Variants in UNC13C observed in about 807,000 individuals in gnomAD.
UNC13C encodes protein unc-13 homolog C.
A neutral mutation model predicts 245.4 loss-of-function variants in UNC13C; 174 were observed. That is an observed-to-expected ratio of 0.71 (90% CI 0.63 to 0.80). The LOEUF is 0.80. Ranked by LOEUF, UNC13C falls within the 30% of genes least tolerant of loss-of-function variation. UNC13C has a pLI of 0.00. For synonymous variants in UNC13C, 992 were observed against 895.1 expected (o/e 1.11, Z -1.93); for missense variants, 2,829 against 2,602.9 (o/e 1.09, Z -1.89).
chr15:54,363,091 G>A (rs1190543721), intron 17 of UNC13C, among the ~76,000 whole-genome samples: 1 of 152,184 alleles, frequency 6.6e-6, no homozygotes, highest in Non-Finnish European at 1.5e-5. Flanking sequence ...ACAGTGCTGA[G>A]CTAATCACAA....
At chr15:54,124,218 G>A (rs571771817) in intron 2 of UNC13C, among the ~76,000 whole-genome samples, 1 of 152,278 alleles carries the variant, frequency 6.6e-6, no homozygotes, top group South Asian at 2.1e-4. Flanking sequence ...GCCTAAATGT[G>A]TAATGGCTTG....
intron 26 of UNC13C, among the ~76,000 whole-genome samples, chr15:54,545,051 T>C (rs1896423482): frequency 6.6e-6 from 1 of 152,102 alleles, no homozygotes; most frequent in African/African-American, 2.4e-5. Flanking sequence ...CAAACTAAAC[T>C]GCAAGGCTAC....
At chr15:53,889,606 AG>A in the UNC13C span, among the ~76,000 whole-genome samples, 2 of 152,194 alleles carry the variant, frequency 1.3e-5, no homozygotes, top group Admixed American at 1.3e-4. Context: ...AGGAGTGGTG[AG>A]AGAGGGCATC....
At chr15:54,235,775 C>T (rs907769217) in intron 5 of UNC13C, among the ~76,000 whole-genome samples, 13 of 152,028 alleles carry the variant, frequency 8.6e-5, no homozygotes, top group African/African-American at 2.2e-4. Context: ...GGCGTGAACC[C>T]GGGAGGCGGA....
intron 2 of UNC13C, among the ~76,000 whole-genome samples, chr15:54,116,859 A>G (rs752478901): frequency 3.9e-5 from 6 of 152,166 alleles, no homozygotes; most frequent in Admixed American, 6.5e-5. Context: ...ATAGTTTTCC[A>G]TAGTGGCTGT....
intron 10 of UNC13C, among the ~76,000 whole-genome samples, chr15:54,288,157 A>G (rs1015159251): frequency 6.6e-6 from 1 of 152,206 alleles, no homozygotes; most frequent in Non-Finnish European, 1.5e-5. Flanking sequence ...TGTAGCAACC[A>G]TAGAGTCCTG....
At chr15:54,449,462 CTTTG>C (rs1268196480) in intron 19 of UNC13C, among the ~76,000 whole-genome samples, 6 of 152,272 alleles carry the variant, frequency 3.9e-5, no homozygotes, top group South Asian at 4.1e-4. Context: ...TTCCTTGAGG[CTTTG>C]TTTGTTTCGT....
chr15:54,083,803 T>G (rs1010702836), intron 2 of UNC13C, among the ~76,000 whole-genome samples: 2 of 152,150 alleles, frequency 1.3e-5, no homozygotes, highest in Non-Finnish European at 2.9e-5. Flanking sequence ...AAGGTATGTT[T>G]GCTGGGGATC....
At chr15:54,151,565 G>T (rs557280283) in intron 4 of UNC13C, among the ~76,000 whole-genome samples, 50 of 152,044 alleles carry the variant, frequency 3.3e-4, no homozygotes, top group Non-Finnish European at 6.0e-4. Flanking sequence ...ATCATGCCTG[G>T]CTAATTTTTT....
intron 20 of UNC13C, among the ~76,000 whole-genome samples, chr15:54,496,360 T>A (rs1002606257): frequency 6.6e-6 from 1 of 151,938 alleles, no homozygotes; most frequent in Non-Finnish European, 1.5e-5. Flanking sequence ...ACTAAAGACA[T>A]ATGGGGTTAA....
At chr15:53,850,270 G>A in the UNC13C span, among the ~76,000 whole-genome samples, 1 of 151,758 alleles carries the variant, frequency 6.6e-6, no homozygotes, top group Non-Finnish European at 1.5e-5. Context: ...AAAAATTTAG[G>A]CAGGCATGGT....
At chr15:54,305,472 C>A (rs1741976029) in intron 13 of UNC13C, among the ~76,000 whole-genome samples, 1 of 151,880 alleles carries the variant, frequency 6.6e-6, no homozygotes. Flanking sequence ...GTAACTTGAG[C>A]CCTAAGCTAT....
chr15:53,985,051 G>A lies in UNC13C; in HGVS notation c.-257+6124G>A, dbSNP rs184391559. 5.8e-4 allele frequency among the ~76,000 whole-genome samples: 88 copies of A among 151,876 alleles called. 1 individual carries two copies. The South Asian group carries it at 7.5e-3, about 13-fold the overall frequency. ...TTGTTACATAGGTATACGTGTTCAT[G>A]GTGGTTTGCTGCACCTATTGACCCA... is the stretch of plus-strand genomic sequence containing the variant. On this transcript the variant is annotated intron_variant, in intron 1 of 32. Transcript: ENST00000260323.
At chr15:54,258,581 C>G (rs1157466062) in intron 8 of UNC13C, among the ~76,000 whole-genome samples, 1 of 152,014 alleles carries the variant, frequency 6.6e-6, no homozygotes, top group Non-Finnish European at 1.5e-5. Context: ...GTTGGCCAGG[C>G]TGGTTACGAA....
intron 19 of UNC13C, among the ~76,000 whole-genome samples, chr15:54,455,353 A>G (rs113636531): frequency 2.0e-5 from 3 of 150,084 alleles, no homozygotes; most frequent in African/African-American, 7.3e-5. Context: ...ATAATGGCTT[A>G]ATTTTTCTCT....
At chr15:54,505,599 T>TGAATAAATTA (rs1478397925) in intron 22 of UNC13C, among the ~76,000 whole-genome samples, 13 of 152,288 alleles carry the variant, frequency 8.5e-5, no homozygotes, top group African/African-American at 3.1e-4. Flanking sequence ...TTTACTTAGC[T>TGAATAAATTA]GAATAAATTA....
intron 2 of UNC13C, among the ~76,000 whole-genome samples, chr15:54,051,482 A>G (rs936161604): frequency 2.0e-5 from 3 of 151,926 alleles, no homozygotes; most frequent in Non-Finnish European, 2.9e-5. Context: ...TAGTCTCTCT[A>G]TTCAATGTAC....
chr15:54,203,254 T>C (rs1287004187), intron 4 of UNC13C, among the ~76,000 whole-genome samples: 1 of 151,822 alleles, frequency 6.6e-6, no homozygotes, highest in East Asian at 1.9e-4. Flanking sequence ...ACAACCACTA[T>C]GGAAAACAGT....
intron 30 of UNC13C, among the ~76,000 whole-genome samples, chr15:54,614,478 G>C (rs978695082): frequency 6.6e-6 from 1 of 151,980 alleles, no homozygotes; most frequent in Non-Finnish European, 1.5e-5. Flanking sequence ...ATACTTTTGT[G>C]TGGTAGTCAG....
Sources: allele counts gnomAD v4.1 joint callset (sites outside exome capture counted in the v4.1 genomes callset), GRCh38; gene constraint gnomAD v4.1.1; transcripts MANE v1.5; gene names NCBI Gene and HGNC (gene_info 2026-07-23, HGNC 2026-07-21).